ELK3: variants seen among roughly 807,000 people sequenced by gnomAD.
ELK3 encodes ETS transcription factor ELK3.
In ELK3, 10 loss-of-function variants were observed where a neutral mutation model predicts 28.9. That is an observed-to-expected ratio of 0.35 (90% CI 0.21 to 0.59). The LOEUF is 0.59. Among genes scored for constraint, ELK3 ranks in the 20% least tolerant of loss-of-function variants. ELK3 has a pLI of 0.82. For missense variants in ELK3, 463 were observed against 517.3 expected, an observed-to-expected ratio of 0.90 and a Z score of 1.02; for synonymous variants, 272 against 243.5, an observed-to-expected ratio of 1.12 and a Z score of -1.09.
intron 1 of ELK3, among the ~76,000 whole-genome samples, chr12:96,204,169 GT>G (rs3216593): frequency 1.5e-4 from 22 of 148,584 alleles, no homozygotes; most frequent in East Asian, 5.8e-4. Context: ...TCAATGTAAA[GT>G]TTTTTTTTTT....
rs532073265 is a variant in ELK3, at chr12:96,247,390, G to A, written c.658G>A (p.Ala220Thr). 6.2e-7 allele frequency: 1 copy of A among 1,614,090 alleles called. No homozygotes were observed. The highest frequency in any genetic ancestry group is 1.7e-5 in the Admixed American group (1 of 60,032). ...CGCCTTCCTGGCCTCGTCCGTCTCG[G>A]CCAAGATCTCCTCTTTAATGTTGCC... ...ASAFLASSVS[A>T]KISSLMLPNA... Residue 220 changes from alanine (A) to threonine (T), a missense_variant, in exon 3 of 5, where the codon GCC becomes ACC. By Grantham distance (58) the Ala-to-Thr change is moderately conservative. This residue lies in a region of ELK3 where 408 missense variants were observed against 414.8 expected (regional missense o/e 0.98). Transcript: ENST00000228741. The surrounding 1 kb of genome is among the most constrained non-coding windows in gnomAD (Gnocchi z 5.5).
At chr12:96,198,346 A>C (rs1951485687) in intron 1 of ELK3, among the ~76,000 whole-genome samples, 1 of 152,108 alleles carries the variant, frequency 6.6e-6, no homozygotes, top group African/African-American at 2.4e-5. Context: ...ACAGGTGTGA[A>C]CCTCTGTACC....
chr12:96,247,357 G>A lies in ELK3; in HGVS notation c.625G>A (p.Ala209Thr), dbSNP rs2137033218. Residue 209 changes from alanine (A) to threonine (T), a missense_variant, in exon 3 of 5, where the codon GCG becomes ACG. Ala to Thr is a moderately conservative substitution (Grantham distance 58). Around this residue, in one of 2 missense-constraint regions of ELK3, gnomAD observed 408 missense variants for 414.8 expected, o/e 0.98. Transcript: ENST00000228741. This position sits in a 1 kb window ranked among gnomAD's most constrained non-coding sequence, Gnocchi z 5.5. Reference sequence around the variant, plus strand: ...CCTGCCTTCCACGTCAGAGGCTGCGGCGGCGTCCGCCTTCCTGGCCTCGTC... The same window carrying A: ...CCTGCCTTCCACGTCAGAGGCTGCGACGGCGTCCGCCTTCCTGGCCTCGTC... Reference protein sequence around the residue: ...VSLPSTSEAAAASAFLASSVS... With the variant: ...VSLPSTSEAATASAFLASSVS... 1 of 1,614,196 alleles carries A rather than the reference G, an allele frequency of 6.2e-7. No individual in the cohort carries two copies. The highest frequency in any genetic ancestry group is 1.3e-5 in the African/African-American group (1 of 75,060).
At position 96,267,311 on chromosome 12, in the gene ELK3, A is replaced by G. The variant is rs1200447503; in HGVS notation, c.*131A>G. 2.9e-6 allele frequency: 2 copies of G among 680,752 alleles called. No individual in the cohort carries two copies. The highest frequency in any genetic ancestry group is 1.8e-5 in the African/African-American group (1 of 55,118). The allele number at this position is 680,752 out of a possible 1,614,324, so 42.2% of individuals were successfully genotyped here. A position where few individuals can be genotyped will look rare whatever the true frequency, so the allele number is the denominator to read the frequency against. On this transcript the variant is annotated 3_prime_UTR_variant, in exon 5 of 5. Coordinates refer to ENST00000228741, the MANE Select transcript of ELK3 (RefSeq NM_005230.4). ...TTGGTTTGCACTTTTCATAACATGG[A>G]TAGTCTAGATTTATGTTAGCATTTT...
intron 1 of ELK3, among the ~76,000 whole-genome samples, chr12:96,200,986 G>A (rs1199083299): frequency 6.6e-6 from 1 of 151,980 alleles, no homozygotes; most frequent in African/African-American, 2.4e-5. Context: ...TTTATTTTTT[G>A]TAGAAATGGG....
At chr12:96,249,115 A>G (rs556600658) in intron 3 of ELK3, among the ~76,000 whole-genome samples, 5 of 152,340 alleles carry the variant, frequency 3.3e-5, no homozygotes, top group African/African-American at 1.2e-4. Flanking sequence ...GCTGAGATAA[A>G]TGAGGCACAG....
Position 96,247,284 on chromosome 12 carries a change from G to C in ELK3, c.552G>C (p.Arg184Ser). Residue 184 changes from arginine (R) to serine (S), a missense_variant, in exon 3 of 5, where the codon AGG becomes AGC. Transcript: ENST00000228741. The surrounding 1 kb of genome is among the most constrained non-coding windows in gnomAD (Gnocchi z 5.5). ...TGGAAGAAGTCAGGACTGTGATCAG[G>C]TTTGTGACCAATAAAACCGACAAGC... ...PPVEEVRTVI[R>S]FVTNKTDKHV... 1 of 1,614,238 alleles carries C rather than the reference G, an allele frequency of 6.2e-7. No homozygotes were observed. Among genetic ancestry groups the C allele is most frequent in the Non-Finnish European group, 8.5e-7 (1 of 1,180,052 alleles).
At chr12:96,244,238 G>C (rs1951841365) in intron 2 of ELK3, among the ~76,000 whole-genome samples, 1 of 151,980 alleles carries the variant, frequency 6.6e-6, no homozygotes, top group African/African-American at 2.4e-5. Flanking sequence ...CCTTTTGCTG[G>C]TTGGTGGACA....
chr12:96,236,590 G>C (rs900826919), intron 2 of ELK3, among the ~76,000 whole-genome samples: 1 of 151,914 alleles, frequency 6.6e-6, no homozygotes, highest in African/African-American at 2.4e-5. Context: ...GGGTGTGTAC[G>C]TGTGTGTGTG....
At chr12:96,223,245 C>T (rs536216870) in intron 1 of ELK3, among the ~76,000 whole-genome samples, 38 of 152,250 alleles carry the variant, frequency 2.5e-4, no homozygotes, top group South Asian at 1.0e-3. Flanking sequence ...AATGGGGACT[C>T]ATTCTGCAAG....
At chr12:96,217,233 A>G (rs970200552) in intron 1 of ELK3, among the ~76,000 whole-genome samples, 1 of 152,272 alleles carries the variant, frequency 6.6e-6, no homozygotes, top group Non-Finnish European at 1.5e-5. Flanking sequence ...CCTGGCTGAC[A>G]GAGTGAGACC....
chr12:96,211,159 A>T (rs936178040), intron 1 of ELK3, among the ~76,000 whole-genome samples: 2 of 152,238 alleles, frequency 1.3e-5, no homozygotes, highest in African/African-American at 4.8e-5. Flanking sequence ...CCTGGTACAT[A>T]GTAAGTGGTC....
At chr12:96,212,387 G>T (rs1460682953) in intron 1 of ELK3, among the ~76,000 whole-genome samples, 8 of 152,226 alleles carry the variant, frequency 5.3e-5, no homozygotes, top group African/African-American at 1.9e-4. Context: ...AGCATTGTCA[G>T]CAGAGCTTGT....
At chr12:96,242,147 T>C (rs1951826135) in intron 2 of ELK3, among the ~76,000 whole-genome samples, 1 of 152,176 alleles carries the variant, frequency 6.6e-6, no homozygotes, top group Non-Finnish European at 1.5e-5. Flanking sequence ...AACCCGACTT[T>C]TTCTAAATAT....
At position 96,247,082 on chromosome 12, in the gene ELK3, A is replaced by T; in HGVS notation, c.350A>T (p.Glu117Val). The stretch of plus-strand genomic sequence containing the variant: ...GACAGCGACTGCAAGGCGTCTCCGG[A>T]GGGCCGCGAGGCCCACAAACACGGC... ...LQDSDCKASP[E>V]GREAHKHGLA... The change falls in exon 3 of 5, where the codon GAG becomes GTG. Residue 117 changes from glutamate (E) to valine (V), a missense_variant. Around this residue, in one of 2 missense-constraint regions of ELK3, gnomAD observed 408 missense variants for 414.8 expected, o/e 0.98. Transcript: ENST00000228741. This position sits in a 1 kb window ranked among gnomAD's most constrained non-coding sequence, Gnocchi z 5.5. 1 of 1,613,770 alleles carries T rather than the reference A, an allele frequency of 6.2e-7. No individual in the cohort carries two copies. Among genetic ancestry groups the T allele is most frequent in the South Asian group, 1.1e-5 (1 of 91,060 alleles).
At chr12:96,265,293 A>G (rs1952021549) in intron 4 of ELK3, among the ~76,000 whole-genome samples, 2 of 152,266 alleles carry the variant, frequency 1.3e-5, no homozygotes, top group African/African-American at 4.8e-5. Context: ...GGCAGAAATC[A>G]GTAATTTATT....
At chr12:96,202,523 CT>C (rs67138285) in intron 1 of ELK3, among the ~76,000 whole-genome samples, 72 of 108,602 alleles carry the variant, frequency 6.6e-4, no homozygotes, top group African/African-American at 1.3e-3. Context: ...TTACCACAAG[CT>C]TTTTTTTTTT....
chr12:96,223,928 A>G, intron 2 of ELK3, 155 bp downstream of exon 2: 1 of 778,288 alleles, frequency 1.3e-6, no homozygotes, highest in South Asian at 1.8e-5. Flanking sequence ...GCTGTGCTGT[A>G]GGGATTTTCC....
chr12:96,237,431 T>C (rs1031156981), intron 2 of ELK3, among the ~76,000 whole-genome samples: 2 of 152,172 alleles, frequency 1.3e-5, no homozygotes, highest in African/African-American at 2.4e-5. Context: ...CAGACATTTG[T>C]AGCAGAGTCT....
Sources: allele counts gnomAD v4.1 joint callset (sites outside exome capture counted in the v4.1 genomes callset), GRCh38; gene constraint gnomAD v4.1.1; regional missense constraint gnomAD v4.1.1; non-coding constraint Gnocchi (gnomAD v3.1); transcripts MANE v1.5; gene names NCBI Gene and HGNC (gene_info 2026-07-23, HGNC 2026-07-21).